Variants in CEP97 observed in about 807,000 individuals in gnomAD.
CEP97 encodes the protein centrosomal protein 97.
A neutral mutation model predicts 73.1 loss-of-function variants in CEP97; 43 were observed. That is an observed-to-expected ratio of 0.59 (90% CI 0.46 to 0.76). CEP97 has a LOEUF of 0.76. CEP97 is among the 30% of genes least tolerant of loss of function. The probability of loss-of-function intolerance (pLI) is 0.00; values close to 1 mark genes in which losing one functional copy is unlikely to be tolerated. For missense variants in CEP97, 939 were observed against 1,014.0 expected (o/e 0.93, Z 1.00); for synonymous variants, 337 against 370.0 (o/e 0.91, Z 1.02).
intron 6 of CEP97, among the ~76,000 whole-genome samples, chr3:101,733,570 G>A (rs1163363085): frequency 6.0e-5 from 9 of 149,500 alleles, no homozygotes; most frequent in South Asian, 2.1e-4. Context: ...TCGCTCTGTC[G>A]CCCAGACTGG....
Position 101,765,327 on chromosome 3 carries a change from G to C in CEP97, c.2374G>C (p.Asp792His), listed in dbSNP as rs1206930262. 1 of 1,613,968 alleles carries C rather than the reference G, an allele frequency of 6.2e-7. No homozygotes were observed. Among genetic ancestry groups the C allele is most frequent in the African/African-American group, 1.3e-5 (1 of 74,926 alleles). Residue 792 changes from aspartate (D) to histidine (H), a missense_variant, in exon 11 of 11, where the codon GAT becomes CAT. Transcript: ENST00000341893. ...LEDADERTNF[D>H]TETRDSKLHI... ...AGATGCTGATGAGAGGACCAATTTT[G>C]ATACAGAGACAAGAGATAGCAAACT...
chr3:101,757,579 A>G (rs1373428328), intron 8 of CEP97, 55 bp from the exon 9 acceptor site: 11 of 1,495,182 alleles, frequency 7.4e-6, no homozygotes, highest in African/African-American at 2.8e-5. Flanking sequence ...TTAAAGGGAC[A>G]TAACTAAAAT....
intron 5 of CEP97, among the ~76,000 whole-genome samples, 184 bp downstream of exon 5, chr3:101,732,137 C>T (rs1259296329): frequency 6.6e-6 from 1 of 152,116 alleles, no homozygotes; most frequent in African/African-American, 2.4e-5. Context: ...GGTCTAATTT[C>T]CTTTGTAAAG....
At chr3:101,758,603 T>TCC in intron 9 of CEP97, 180 bp downstream of exon 9, 2 of 665,158 alleles carry the variant, frequency 3.0e-6, no homozygotes, top group Non-Finnish European at 5.0e-6. Context: ...CTATCTGCTC[T>TCC]ATCTCCTCAT....
chr3:101,727,570 C>G (rs1384085246), intron 3 of CEP97, 29 bp downstream of exon 3: 6 of 1,563,192 alleles, frequency 3.8e-6, no homozygotes, highest in African/African-American at 1.4e-5. Flanking sequence ...GTTTACAAAA[C>G]TATTCTGCGT....
At chr3:101,763,710 G>C (rs936899483) in intron 10 of CEP97, among the ~76,000 whole-genome samples, 1 of 152,038 alleles carries the variant, frequency 6.6e-6, no homozygotes, top group African/African-American at 2.4e-5. Flanking sequence ...CAAGAATTTG[G>C]TATGTTTTTA....
intron 6 of CEP97, among the ~76,000 whole-genome samples, chr3:101,753,582 T>G (rs1938908491): frequency 6.6e-6 from 1 of 152,216 alleles, no homozygotes; most frequent in African/African-American, 2.4e-5. Context: ...GGCTGCTTTG[T>G]TTACCTAAGC....
rs1387449559 is a variant in CEP97, at chr3:101,742,041, C to CAA, written c.728+9399_728+9400dup. Among the ~76,000 whole-genome samples, 25 of 82,090 alleles carry CAA rather than the reference C, an allele frequency of 3.0e-4. No individual in the cohort carries two copies. The East Asian group carries it at 3.1e-3, about 10-fold the overall frequency. 53.9% of individuals were successfully genotyped at this position (82,090 alleles called of 152,430 possible). On this transcript the variant is annotated intron_variant, in intron 6 of 10. Coordinates refer to ENST00000341893, the MANE Select transcript of CEP97 (RefSeq NM_024548.4). ...TGGGTGACAGAGTGAGACTCCGTCT[C>CAA]AAAAAAAAAAAAACAAAAAAACAAA...
intron 6 of CEP97, among the ~76,000 whole-genome samples, chr3:101,742,168 A>C (rs890364562): frequency 6.6e-6 from 1 of 152,186 alleles, no homozygotes; most frequent in South Asian, 2.1e-4. Context: ...ATTGTGGAAG[A>C]CAGTGTGGCA....
chr3:101,732,682 A>T, intron 6 of CEP97, 28 bp downstream of exon 6: 1 of 1,566,938 alleles, frequency 6.4e-7, no homozygotes, highest in Non-Finnish European at 8.7e-7. Context: ...AACATCACAA[A>T]TGTTACTGAA....
At chr3:101,745,324 G>A (rs945278224) in intron 6 of CEP97, among the ~76,000 whole-genome samples, 3 of 152,144 alleles carry the variant, frequency 2.0e-5, no homozygotes. Context: ...GCAGTGACAG[G>A]ATCACAGCTT....
intron 6 of CEP97, among the ~76,000 whole-genome samples, chr3:101,740,196 C>G (rs1938405740): frequency 1.3e-5 from 2 of 152,164 alleles, no homozygotes; most frequent in South Asian, 4.1e-4. Flanking sequence ...TCTCTGTTTG[C>G]AGATGACATG....
At position 101,765,757 on chromosome 3, in the gene CEP97, G is replaced by A; in HGVS notation, c.*206G>A. The stretch of plus-strand genomic sequence containing the variant: ...TGTTAGCTTTTTACTTAGCTGTAAG[G>A]TACCAAACTATTTATATTGAAAGCT... On this transcript the variant is annotated 3_prime_UTR_variant, in exon 11 of 11. Transcript: ENST00000341893. 1.2e-5 allele frequency: 6 copies of A among 516,186 alleles called. No homozygotes were observed. In the South Asian group the frequency reaches 1.7e-4, roughly 15 times the overall value. The allele number at this position is 516,186 out of a possible 1,614,324, so 32.0% of individuals were successfully genotyped here.
chr3:101,768,677 A>C lies in CEP97; in HGVS notation c.*3126A>C, dbSNP rs1939378455. The C allele has an allele frequency of 6.6e-6, 1 of 152,132 alleles. No homozygotes were observed. The highest frequency in any genetic ancestry group is 2.4e-5 in the African/African-American group (1 of 41,420). The allele number at this position is 152,132 out of a possible 1,614,324, so 9.4% of individuals were successfully genotyped here. On this transcript the variant is annotated 3_prime_UTR_variant, in exon 11 of 11. Coordinates refer to ENST00000341893, the MANE Select transcript of CEP97 (RefSeq NM_024548.4). ...ATAGCAAGACCCCCCTCTCTACAAA[A>C]AAAATTTTTTTCTGAAAAGAATAAG...
chr3:101,739,571 C>T (rs1938380746), intron 6 of CEP97, among the ~76,000 whole-genome samples: 1 of 152,016 alleles, frequency 6.6e-6, no homozygotes, highest in African/African-American at 2.4e-5. Context: ...TGATAAAAAC[C>T]ACATGATTAT....
intron 9 of CEP97, among the ~76,000 whole-genome samples, chr3:101,760,205 A>G (rs1476528735): frequency 6.6e-6 from 1 of 152,058 alleles, no homozygotes; most frequent in Non-Finnish European, 1.5e-5. Flanking sequence ...TTCTTTTTCA[A>G]TAATGTATAA....
intron 6 of CEP97, among the ~76,000 whole-genome samples, chr3:101,754,387 A>G (rs891693390): frequency 6.6e-6 from 1 of 152,236 alleles, no homozygotes; most frequent in African/African-American, 2.4e-5. Context: ...ATTCAGTCTT[A>G]TATTTTCAAT....
intron 6 of CEP97, among the ~76,000 whole-genome samples, chr3:101,747,258 C>CTTTTT: frequency 7.7e-6 from 1 of 129,756 alleles, no homozygotes; most frequent in Non-Finnish European, 1.6e-5. Context: ...TTCAGAACTC[C>CTTTTT]TTTTTTTTTT....
At position 101,755,559 on chromosome 3, in the gene CEP97, G is replaced by A. The variant is rs372795654; in HGVS notation, c.858G>A (p.Glu286=). Residue 286 remains glutamate, a synonymous_variant, in exon 7 of 11, where the codon GAG becomes GAA. Coordinates refer to ENST00000341893, the MANE Select transcript of CEP97 (RefSeq NM_024548.4). ...CTACACTAGGTCTTCAAACTGCAGA[G>A]GATGCCAAACTAGAGAAGATTTTGA... ...LTSTLGLQTA[E]DAKLEKILSK... is the part of the protein sequence containing the mutation. 4 of 1,614,008 alleles carry A rather than the reference G, an allele frequency of 2.5e-6. No individual in the cohort carries two copies. Among genetic ancestry groups the A allele is most frequent in the Non-Finnish European group, 3.4e-6 (4 of 1,180,028 alleles).
Sources: allele counts gnomAD v4.1 joint callset (sites outside exome capture counted in the v4.1 genomes callset), GRCh38; gene constraint gnomAD v4.1.1; transcripts MANE v1.5; gene names NCBI Gene and HGNC (gene_info 2026-07-23, HGNC 2026-07-21).